Variants in KAT7 observed in about 807,000 individuals in gnomAD.
KAT7 encodes the protein lysine acetyltransferase 7, also known as histone acetyltransferase KAT7.
Under a neutral mutation model 82.1 loss-of-function variants are expected in KAT7, and 10 were observed. The observed-to-expected ratio is 0.12, with a 90% CI of 0.08 to 0.21. The LOEUF is 0.21. Among genes scored for constraint, KAT7 ranks in the 10% least tolerant of loss-of-function variants. The probability of loss-of-function intolerance (pLI) is 1.00; values close to 1 mark genes in which losing one functional copy is unlikely to be tolerated. For synonymous variants in KAT7, 250 were observed against 262.5 expected (o/e 0.95, Z 0.46); for missense variants, 378 against 760.9 (o/e 0.50, Z 5.92).
intron 12 of KAT7, among the ~76,000 whole-genome samples, chr17:49,824,152 C>T (rs562859423): frequency 3.9e-5 from 6 of 152,280 alleles, no homozygotes; most frequent in African/African-American, 1.4e-4. Flanking sequence ...CAGAGGCTTG[C>T]AGGAACCTAA....
At chr17:49,821,290 T>C (rs775516452) in intron 9 of KAT7, 47 bp from the exon 10 acceptor site, 6 of 1,421,852 alleles carry the variant, frequency 4.2e-6, no homozygotes, top group Non-Finnish European at 5.9e-6. Context: ...AGGAGCAGTC[T>C]TGTTGGGAGG....
rs1372874854 is a variant in KAT7 at position 49,823,264 on chromosome 17, A to G, written c.1449A>G (p.Arg483=). Residue 483 remains arginine, a synonymous_variant, in exon 12 of 15, where the codon AGA becomes AGG. Coordinates refer to ENST00000259021, the MANE Select transcript of KAT7 (RefSeq NM_007067.5). ...TCCTTACTATGCCTCAGTACATGAG[A>G]CAGGGCTATGGCAAGATGCTTATTG... ...SCILTMPQYM[R]QGYGKMLIDF... The G allele has an allele frequency of 6.2e-7, 1 of 1,600,314 alleles. No homozygotes were observed. Among genetic ancestry groups the G allele is most frequent in the Admixed American group, 1.7e-5 (1 of 60,004 alleles).
chr17:49,827,174 C>T (rs1567867084), intron 14 of KAT7: 1 of 540,598 alleles, frequency 1.8e-6, no homozygotes, highest in Non-Finnish European at 3.3e-6. Context: ...TTCATATATA[C>T]AATAAAGGTC....
At chr17:49,800,870 CAT>C (rs528979089) in intron 4 of KAT7, among the ~76,000 whole-genome samples, 59 of 152,082 alleles carry the variant, frequency 3.9e-4, no homozygotes, top group African/African-American at 1.1e-3. Flanking sequence ...GTATATGTGA[CAT>C]ATATATGTAG....
At chr17:49,810,719 G>C (rs2143923703) in intron 6 of KAT7, among the ~76,000 whole-genome samples, 1 of 152,316 alleles carries the variant, frequency 6.6e-6, no homozygotes, top group East Asian at 1.9e-4. Context: ...CTTTGGTGGA[G>C]ACGTCTATCC....
rs1259760961 is a variant in KAT7, at chr17:49,833,370, C to T, written c.*5868C>T. 1 of 152,196 alleles carries T rather than the reference C, an allele frequency of 6.6e-6. No homozygotes were observed. The highest frequency in any genetic ancestry group is 1.5e-5 in the Non-Finnish European group (1 of 68,046). The allele number at this position is 152,196 out of a possible 1,614,324, so 9.4% of individuals were successfully genotyped here. The stretch of plus-strand genomic sequence containing the variant: ...CATTCAATTCCAAAGTTATCAGAAA[C>T]CTACACTCTTATCTCACAAATTTAG... On this transcript the variant is annotated 3_prime_UTR_variant, in exon 15 of 15. Coordinates refer to ENST00000259021, the MANE Select transcript of KAT7 (RefSeq NM_007067.5).
At chr17:49,795,512 TA>T (rs2073944680) in intron 2 of KAT7, 3 of 240,232 alleles carry the variant, frequency 1.2e-5, no homozygotes, top group Non-Finnish European at 2.7e-5. Flanking sequence ...AAGTGTCTGT[TA>T]AGAGCTATCG....
intron 5 of KAT7, among the ~76,000 whole-genome samples, chr17:49,807,858 C>G (rs1467305575): frequency 6.6e-6 from 1 of 152,148 alleles, no homozygotes; most frequent in African/African-American, 2.4e-5. Flanking sequence ...GGATAACATT[C>G]AAGTTGTTGA....
At chr17:49,794,695 T>C (rs996487841) in intron 2 of KAT7, among the ~76,000 whole-genome samples, 1 of 152,262 alleles carries the variant, frequency 6.6e-6, no homozygotes, top group Non-Finnish European at 1.5e-5. Flanking sequence ...ACATAATGTT[T>C]GTAGGAAGTA....
In KAT7 at chr17:49,796,731, C is replaced by G; in HGVS notation, c.164-19C>G. On this transcript the variant is annotated intron_variant, in intron 2 of 14. Coordinates refer to ENST00000259021, the MANE Select transcript of KAT7 (RefSeq NM_007067.5). Reference sequence around the variant, plus strand: ...GATTTCCATCTTTTTTCTTTATTTTCTTTTAAAATTGGGATCAGATTCCAG... The same window carrying G: ...GATTTCCATCTTTTTTCTTTATTTTGTTTTAAAATTGGGATCAGATTCCAG... The G allele has an allele frequency of 1.3e-6, 2 of 1,517,242 alleles. No homozygotes were observed. The highest frequency in any genetic ancestry group is 2.6e-5 in the South Asian group (2 of 78,250). 94.0% of individuals were successfully genotyped at this position (1,517,242 alleles called of 1,614,324 possible).
Position 49,832,875 on chromosome 17 carries a change from T to C in KAT7, c.*5373T>C, listed in dbSNP as rs2074435615. ...AAGCCACCCTTTGCTTTGCTGTTCA[T>C]TGGGATCATGGAATCGGACCTCAGC... On this transcript the variant is annotated 3_prime_UTR_variant, in exon 15 of 15. Coordinates refer to ENST00000259021, the MANE Select transcript of KAT7 (RefSeq NM_007067.5). 1 of 152,268 alleles carries C rather than the reference T, an allele frequency of 6.6e-6. No homozygotes were observed. Among genetic ancestry groups the C allele is most frequent in the Admixed American group, 6.5e-5 (1 of 15,290 alleles). The allele number at this position is 152,268 out of a possible 1,614,324, so 9.4% of individuals were successfully genotyped here.
intron 4 of KAT7, among the ~76,000 whole-genome samples, chr17:49,801,904 C>G (rs1173886683): frequency 6.6e-6 from 1 of 152,184 alleles, no homozygotes; most frequent in Non-Finnish European, 1.5e-5. Context: ...TAACTCATAC[C>G]CGCAGAACTG....
At chr17:49,803,347 C>T (rs956259010) in intron 4 of KAT7, among the ~76,000 whole-genome samples, 1 of 148,694 alleles carries the variant, frequency 6.7e-6, no homozygotes, top group African/African-American at 2.5e-5. Context: ...ATCTACCTGC[C>T]TCGGCCTCCC....
intron 4 of KAT7, among the ~76,000 whole-genome samples, chr17:49,802,437 G>A (rs536464909): frequency 1.3e-5 from 2 of 152,284 alleles, no homozygotes; most frequent in African/African-American, 4.8e-5. Flanking sequence ...GGAGGCCGAG[G>A]TGGGCAGATC....
chr17:49,805,504 A>G, intron 5 of KAT7, 59 bp downstream of exon 5: 1 of 1,226,168 alleles, frequency 8.2e-7, no homozygotes, highest in South Asian at 1.2e-5. Flanking sequence ...TTTGCCAGGC[A>G]CTTTGCTGAA....
At chr17:49,795,163 A>T (rs766955033) in intron 2 of KAT7, among the ~76,000 whole-genome samples, 1 of 152,220 alleles carries the variant, frequency 6.6e-6, no homozygotes, top group Non-Finnish European at 1.5e-5. Flanking sequence ...CTCACCACAA[A>T]GAAATGACAA....
At chr17:49,800,046 C>T (rs1302684768) in intron 4 of KAT7, among the ~76,000 whole-genome samples, 25 of 130,902 alleles carry the variant, frequency 1.9e-4, no homozygotes, top group African/African-American at 7.1e-4. Context: ...GAGTCTCGCT[C>T]TGTCCCCCAG....
At chr17:49,796,148 A>T (rs547825141) in intron 2 of KAT7, among the ~76,000 whole-genome samples, 1 of 152,160 alleles carries the variant, frequency 6.6e-6, no homozygotes, top group Non-Finnish European at 1.5e-5. Context: ...AAAATGCTGC[A>T]TTCCTGCTTT....
chr17:49,814,613 T>G (rs986436942), intron 7 of KAT7, among the ~76,000 whole-genome samples: 1 of 152,058 alleles, frequency 6.6e-6, no homozygotes, highest in Admixed American at 6.6e-5. Context: ...TTCTTGAAAT[T>G]TTTAACCTTA....
Sources: allele counts gnomAD v4.1 joint callset (sites outside exome capture counted in the v4.1 genomes callset), GRCh38; gene constraint gnomAD v4.1.1; transcripts MANE v1.5; gene names NCBI Gene and HGNC (gene_info 2026-07-23, HGNC 2026-07-21).